Variants in TET2 observed in about 807,000 individuals in gnomAD.
TET2 encodes the protein methylcytosine dioxygenase TET2.
In TET2, 299 loss-of-function variants were observed where a neutral mutation model predicts 142.9. The ratio of observed to expected loss-of-function variants is 2.09; its 90% CI spans 1.90 to 2.30. TET2 has a LOEUF of 2.30. TET2 is among the 30% of genes most tolerant of loss of function. TET2 has a pLI of 0.00. For missense variants in TET2, 2,418 were observed against 2,378.0 expected, an observed-to-expected ratio of 1.02 and a Z score of -0.35; for synonymous variants, 819 against 849.0, an observed-to-expected ratio of 0.96 and a Z score of 0.61.
Position 105,275,974 on chromosome 4 carries a change from G to A in TET2, c.5464G>A (p.Ala1822Thr). 6.4e-7 allele frequency: 1 copy of A among 1,551,760 alleles called. No individual in the cohort carries two copies. The highest frequency in any genetic ancestry group is 8.7e-7 in the Non-Finnish European group (1 of 1,146,994). The part of the protein sequence containing the change: ...VQGGLHKLSD[A>T]NGQEKQPLAL... ...AGGAGGCTTACACAAATTAAGTGAT[G>A]CTAATGGTCAGGAAAAGCAGCCATT... The change falls in exon 11 of 11, where the codon GCT (alanine) becomes ACT (threonine). Residue 1822 changes from alanine to threonine, a missense_variant. Physicochemically the swap from Ala to Thr is moderately conservative, Grantham distance 58. Transcript: ENST00000380013.
At chr4:105,173,379 C>A (rs116241384) in intron 1 of TET2, among the ~76,000 whole-genome samples, 9,099 of 125,736 alleles carry the variant, frequency 0.072, 366 homozygotes, top group Non-Finnish European at 0.11. Flanking sequence ...AAAAAAAAAA[C>A]AAAACTAGCC....
At chr4:105,232,175 T>C (rs1394963952) in intron 2 of TET2, among the ~76,000 whole-genome samples, 1 of 152,174 alleles carries the variant, frequency 6.6e-6, no homozygotes, top group Admixed American at 6.5e-5. Flanking sequence ...GCTCCATCCA[T>C]GTTGCTGCAC....
At position 105,234,448 on chromosome 4, in the gene TET2, A is replaced by AT. The variant is rs1560540951; in HGVS notation, c.507dup (p.Asn170Ter). ...AAAGATTTCACCAGTTTTTCAACAC[A>AT]TAACTGCAGTGGGCCTGAAAATCCA... is the stretch of plus-strand genomic sequence containing the variant. On this transcript the variant is annotated frameshift_variant, in exon 3 of 11. Coordinates refer to ENST00000380013, the MANE Select transcript of TET2 (RefSeq NM_001127208.3). LOFTEE classifies it high-confidence loss of function. 2 of 1,614,002 alleles carry AT rather than the reference A, an allele frequency of 1.2e-6. No individual in the cohort carries two copies. Among genetic ancestry groups the AT allele is most frequent in the Admixed American group, 1.7e-5 (1 of 59,978 alleles).
intron 7 of TET2, among the ~76,000 whole-genome samples, chr4:105,260,376 T>G (rs1175422898): frequency 6.6e-6 from 1 of 152,118 alleles, no homozygotes; most frequent in African/African-American, 2.4e-5. Context: ...GTATAGATAC[T>G]TCTTGACTTA....
chr4:105,183,915 C>T (rs1262518798), intron 1 of TET2, among the ~76,000 whole-genome samples: 5 of 152,218 alleles, frequency 3.3e-5, no homozygotes, highest in Admixed American at 6.5e-5. Context: ...AAATTTCTAG[C>T]GGGGATCTCT....
At chr4:105,268,168 A>C (rs1730781400) in intron 8 of TET2, among the ~76,000 whole-genome samples, 1 of 152,194 alleles carries the variant, frequency 6.6e-6, no homozygotes, top group Admixed American at 6.5e-5. Flanking sequence ...ATGTTTGTCT[A>C]CATAAGAAGT....
At chr4:105,274,433 C>T (rs554512611) in intron 10 of TET2, among the ~76,000 whole-genome samples, 4 of 152,266 alleles carry the variant, frequency 2.6e-5, no homozygotes, top group East Asian at 1.9e-4. Flanking sequence ...TGTTTAAATA[C>T]GTGTCATTCT....
intron 1 of TET2, among the ~76,000 whole-genome samples, chr4:105,162,823 G>C (rs1386964377): frequency 1.3e-5 from 2 of 152,012 alleles, no homozygotes; most frequent in Non-Finnish European, 2.9e-5. Context: ...GAACTATTTT[G>C]CTTAACATTA....
rs201396787 is a variant in TET2, at chr4:105,195,049, T to C, written c.-47+4544T>C. Among the ~76,000 whole-genome samples the C allele has an allele frequency of 1.1e-4, 15 of 134,418 alleles. No homozygotes were observed. In the East Asian group the frequency reaches 4.2e-3, roughly 37 times the overall value. The allele number at this position is 134,418 out of a possible 152,430, so 88.2% of individuals were successfully genotyped here. On this transcript the variant is annotated intron_variant, in intron 2 of 10. Coordinates refer to ENST00000380013, the MANE Select transcript of TET2 (RefSeq NM_001127208.3). ...GGCAATCCCTAAATTCACAAATAGC[T>C]GTATAGCATTTTTTGCATTTAATGC...
chr4:105,237,799 T>A, intron 3 of TET2: 17 of 1,122,526 alleles, frequency 1.5e-5, no homozygotes, highest in Non-Finnish European at 1.8e-5. Flanking sequence ...ACAAGATTTC[T>A]GGCTAATAGG....
intron 5 of TET2, among the ~76,000 whole-genome samples, chr4:105,243,343 A>G (rs1476774016): frequency 6.6e-6 from 1 of 152,238 alleles, no homozygotes; most frequent in African/African-American, 2.4e-5. Flanking sequence ...TCTGCTAAAC[A>G]TTAAGGAGTA....
chr4:105,234,801 A>T lies in TET2; in HGVS notation c.859A>T (p.Lys287Ter), dbSNP rs1728737146. 1 of 1,613,920 alleles carries T rather than the reference A, an allele frequency of 6.2e-7. No homozygotes were observed. The highest frequency in any genetic ancestry group is 8.5e-7 in the Non-Finnish European group (1 of 1,179,958). Reference protein sequence around the residue: ...AQTSNSELPPKPAAVVSEACD... With the variant: ...AQTSNSELPP The stretch of plus-strand genomic sequence containing the variant: ...GACCTCTAACTCTGAGCTGCCTCCA[A>T]AGCCAGCTGCAGTGGTGAGTGAGGC... Residue 287 changes from lysine (K) to a stop codon, truncating the protein, a stop_gained, in exon 3 of 11, where the codon AAG (lysine) becomes TAG (stop). Transcript: ENST00000380013. LOFTEE classifies it high-confidence loss of function.
chr4:105,249,208 G>T (rs1333694017), intron 6 of TET2, among the ~76,000 whole-genome samples: 1 of 151,940 alleles, frequency 6.6e-6, no homozygotes, highest in African/African-American at 2.4e-5. Flanking sequence ...TGTATTTTTA[G>T]TAGAGACAGG....
rs557658767 is a variant in TET2 at position 105,230,375 on chromosome 4, A to C, written c.-46-3522A>C. Among the ~76,000 whole-genome samples the C allele has an allele frequency of 2.0e-5, 3 of 152,280 alleles. No individual in the cohort carries two copies. The South Asian group carries it at 6.2e-4, about 32-fold the overall frequency. ...ATAAATTCTTAAAAGGGTCAAGGAAAGTGTTTCTGAAATTTTATACATATT... is the reference window on the plus strand; with the variant it reads ...ATAAATTCTTAAAAGGGTCAAGGAACGTGTTTCTGAAATTTTATACATATT... On this transcript the variant is annotated intron_variant, in intron 2 of 10. Transcript: ENST00000380013.
intron 6 of TET2, among the ~76,000 whole-genome samples, chr4:105,253,352 G>A (rs1729964187): frequency 6.6e-6 from 1 of 151,888 alleles, no homozygotes; most frequent in Admixed American, 6.6e-5. Flanking sequence ...TCCTTCATTA[G>A]AATTTTGCAT....
chr4:105,157,411 C>T (rs1351759954), intron 1 of TET2, among the ~76,000 whole-genome samples: 1 of 152,116 alleles, frequency 6.6e-6, no homozygotes, highest in Non-Finnish European at 1.5e-5. Flanking sequence ...TTTTATCTTT[C>T]TTCCAATCTA....
intron 2 of TET2, among the ~76,000 whole-genome samples, chr4:105,233,538 T>TAGAGAAA (rs1728636476): frequency 6.6e-6 from 1 of 152,170 alleles, no homozygotes; most frequent in African/African-American, 2.4e-5. Flanking sequence ...AATGAAGTGC[T>TAGAGAAA]AGAGAAAATA....
At position 105,236,279 on chromosome 4, in the gene TET2, T is replaced by TA. The variant is rs1427887193; in HGVS notation, c.2340dup (p.Val781SerfsTer8). ...GAGAAGGATCATTCTTTGGCCAGAC[T>TA]AAAGTGGAAGAATGTTTTCATGGTG... On this transcript the variant is annotated frameshift_variant, in exon 3 of 11. Coordinates refer to ENST00000380013, the MANE Select transcript of TET2 (RefSeq NM_001127208.3). LOFTEE classifies it high-confidence loss of function. The TA allele has an allele frequency of 6.2e-7, 1 of 1,614,030 alleles. No individual in the cohort carries two copies. Among genetic ancestry groups the TA allele is most frequent in the African/African-American group, 1.3e-5 (1 of 75,030 alleles).
chr4:105,225,762 T>TA, intron 2 of TET2, among the ~76,000 whole-genome samples: 1 of 152,102 alleles, frequency 6.6e-6, no homozygotes, highest in Non-Finnish European at 1.5e-5. Flanking sequence ...GCAGCAGGAC[T>TA]GAAAAAATAA....
Sources: gnomAD v4.1 joint callset for allele counts (sites outside exome capture counted in the v4.1 genomes callset) on GRCh38, gnomAD v4.1.1 for gene constraint, MANE v1.5 for transcripts, NCBI Gene and HGNC (gene_info 2026-07-23, HGNC 2026-07-21) for gene names.